NCAM1: variants seen among roughly 807,000 people sequenced by gnomAD.
NCAM1 encodes neural cell adhesion molecule 1.
A neutral mutation model predicts 109.8 loss-of-function variants in NCAM1; 14 were observed. The ratio of observed to expected loss-of-function variants is 0.13; its 90% CI spans 0.08 to 0.20. The LOEUF (loss-of-function observed/expected upper bound fraction) is 0.20, where lower values mean the gene tolerates loss of function less well. NCAM1 is among the 10% of genes least tolerant of loss of function. The pLI, the probability that NCAM1 is intolerant of heterozygous loss-of-function variation, is 1.00. For synonymous variants in NCAM1, 418 were observed against 442.9 expected (o/e 0.94, Z 0.70); for missense variants, 774 against 1,109.9 (o/e 0.70, Z 4.30).
intron 1 of NCAM1, among the ~76,000 whole-genome samples, chr11:113,186,043 G>A (rs2136652642): frequency 6.6e-6 from 1 of 152,302 alleles, no homozygotes; most frequent in South Asian, 2.1e-4. Context: ...TGATTTTCAG[G>A]TTATTTCAGC....
intron 1 of NCAM1, among the ~76,000 whole-genome samples, chr11:113,035,680 TCTAGATGAAATGTAACA>T (rs1952852915): frequency 6.6e-6 from 1 of 152,226 alleles, no homozygotes; most frequent in African/African-American, 2.4e-5. Flanking sequence ...TGGAATATTT[TCTAGATGAAATGTAACA>T]CTACCCCTGC....
At chr11:113,072,649 T>A (rs1329281742) in intron 1 of NCAM1, among the ~76,000 whole-genome samples, 3 of 152,124 alleles carry the variant, frequency 2.0e-5, no homozygotes, top group Non-Finnish European at 2.9e-5. Flanking sequence ...TTAAATATAA[T>A]CTGTGACTTG....
chr11:113,243,189 TC>T (rs1945388780), intron 14 of NCAM1, among the ~76,000 whole-genome samples: 1 of 152,242 alleles, frequency 6.6e-6, no homozygotes, highest in African/African-American at 2.4e-5. Flanking sequence ...TTGCTGTCCC[TC>T]CTTCTGAAAT....
chr11:113,115,787 G>A (rs974827623), intron 1 of NCAM1, among the ~76,000 whole-genome samples: 1 of 152,218 alleles, frequency 6.6e-6, no homozygotes, highest in Non-Finnish European at 1.5e-5. Context: ...ACAGTTACGA[G>A]AATCTGGCCA....
At chr11:112,992,169 T>C (rs573005715) in intron 1 of NCAM1, among the ~76,000 whole-genome samples, 2 of 152,262 alleles carry the variant, frequency 1.3e-5, no homozygotes, top group African/African-American at 4.8e-5. Context: ...AAGCCTGTTA[T>C]TCAATATGAG....
At chr11:113,079,948 A>G (rs1168517266) in intron 1 of NCAM1, among the ~76,000 whole-genome samples, 3 of 152,222 alleles carry the variant, frequency 2.0e-5, no homozygotes, top group African/African-American at 7.2e-5. Flanking sequence ...TTTGTGCACA[A>G]AGGTATCTGT....
intron 1 of NCAM1, among the ~76,000 whole-genome samples, chr11:112,974,762 G>C (rs1396228204): frequency 6.6e-6 from 1 of 151,752 alleles, no homozygotes; most frequent in Non-Finnish European, 1.5e-5. Context: ...GAGGTGAGGG[G>C]AGTATGGGAG....
At chr11:113,019,955 TATA>T (rs1952335127) in intron 1 of NCAM1, among the ~76,000 whole-genome samples, 1 of 152,228 alleles carries the variant, frequency 6.6e-6, no homozygotes, top group African/African-American at 2.4e-5. Flanking sequence ...TCTGAAATTG[TATA>T]ATAACATAGC....
chr11:113,019,251 T>C (rs1952309675), intron 1 of NCAM1, among the ~76,000 whole-genome samples: 2 of 152,170 alleles, frequency 1.3e-5, no homozygotes, highest in South Asian at 4.2e-4. Context: ...GACTTGGCTT[T>C]ACCTTCAACA....
intron 1 of NCAM1, among the ~76,000 whole-genome samples, chr11:113,190,063 C>T (rs1030280453): frequency 3.9e-5 from 6 of 152,156 alleles, no homozygotes; most frequent in Non-Finnish European, 7.3e-5. Context: ...AACCTCACTA[C>T]TCCTACCAGT....
intron 1 of NCAM1, among the ~76,000 whole-genome samples, chr11:113,165,854 C>T (rs1025040076): frequency 6.6e-6 from 1 of 151,878 alleles, no homozygotes; most frequent in Admixed American, 6.6e-5. Flanking sequence ...GCTCTGTCAC[C>T]CAGGCTGGAG....
At chr11:113,032,772 G>A (rs1952760681) in intron 1 of NCAM1, among the ~76,000 whole-genome samples, 1 of 152,206 alleles carries the variant, frequency 6.6e-6, no homozygotes, top group Non-Finnish European at 1.5e-5. Flanking sequence ...GGAAGTGGAG[G>A]TTTTGTTTTC....
At chr11:113,015,842 A>G (rs1952193702) in intron 1 of NCAM1, among the ~76,000 whole-genome samples, 1 of 152,208 alleles carries the variant, frequency 6.6e-6, no homozygotes, top group African/African-American at 2.4e-5. Context: ...TAAACTCTTC[A>G]TGCCAGAGTC....
At chr11:113,089,197 C>T (rs1939227628) in intron 1 of NCAM1, among the ~76,000 whole-genome samples, 1 of 152,070 alleles carries the variant, frequency 6.6e-6, no homozygotes, top group Admixed American at 6.5e-5. Flanking sequence ...CCTGTAGTCC[C>T]AGCTACTCGG....
chr11:113,089,525 G>T (rs1212163341), intron 1 of NCAM1, among the ~76,000 whole-genome samples: 1 of 151,916 alleles, frequency 6.6e-6, no homozygotes, highest in Non-Finnish European at 1.5e-5. Flanking sequence ...CAAACTCCTG[G>T]GCTCAAGGGA....
chr11:113,186,713 G>A (rs556959146), intron 1 of NCAM1, among the ~76,000 whole-genome samples: 5 of 152,282 alleles, frequency 3.3e-5, no homozygotes, highest in Non-Finnish European at 5.9e-5. Context: ...ACAAAGGGTC[G>A]CCCTCTATTC....
At chr11:113,099,311 A>G (rs1391590213) in intron 1 of NCAM1, among the ~76,000 whole-genome samples, 1 of 152,140 alleles carries the variant, frequency 6.6e-6, no homozygotes, top group African/African-American at 2.4e-5. Flanking sequence ...AGAAAACATC[A>G]TGAGGAGATG....
Position 113,004,906 on chromosome 11 carries a change from C to T in NCAM1, c.52+43242C>T, listed in dbSNP as rs11214453. On this transcript the variant is annotated intron_variant, in intron 1 of 19. Coordinates refer to ENST00000316851, the MANE Select transcript of NCAM1 (RefSeq NM_181351.5). ...CAGATTTGGGGCCTTCTGGATTGAGCTTCTGATTTTCTTATTTATTGTTTA... is the reference window on the plus strand; with the variant it reads ...CAGATTTGGGGCCTTCTGGATTGAGTTTCTGATTTTCTTATTTATTGTTTA... 1.0e-2 allele frequency among the ~76,000 whole-genome samples: 1,508 copies of T among 151,466 alleles called. 25 individuals carry two copies. The highest frequency in any genetic ancestry group is 0.034 in the African/African-American group (1,409 of 41,294).
At position 112,962,460 on chromosome 11, in the gene NCAM1, G is replaced by A. The variant is rs959033542; in HGVS notation, c.52+796G>A. On this transcript the variant is annotated intron_variant, in intron 1 of 19. Coordinates refer to ENST00000316851, the MANE Select transcript of NCAM1 (RefSeq NM_181351.5). This position sits in a 1 kb window ranked among gnomAD's most constrained non-coding sequence, Gnocchi z 5.6. ...GGTGTGTGCGCGCGCGTGTGCGCGC[G>A]TGTGTCTTTACACGCGCCGCGTGCC... Among the ~76,000 whole-genome samples, 1 of 151,984 alleles carries A rather than the reference G, an allele frequency of 6.6e-6. No homozygotes were observed. Among genetic ancestry groups the A allele is most frequent in the Admixed American group, 6.5e-5 (1 of 15,282 alleles).
Sources: allele counts gnomAD v4.1 joint callset (sites outside exome capture counted in the v4.1 genomes callset), GRCh38; gene constraint gnomAD v4.1.1; non-coding constraint Gnocchi (gnomAD v3.1); transcripts MANE v1.5; gene names NCBI Gene and HGNC (gene_info 2026-07-23, HGNC 2026-07-21).